Variants in PTCD2 observed in about 807,000 individuals in gnomAD.
PTCD2 encodes the protein pentatricopeptide repeat domain 2.
Under a neutral mutation model 42.6 loss-of-function variants are expected in PTCD2, and 31 were observed. The observed-to-expected ratio is 0.73, with a 90% CI of 0.55 to 0.98. PTCD2 has a LOEUF of 0.98. Ranked by LOEUF, PTCD2 falls within the 50% of genes least tolerant of loss-of-function variation. The pLI is 0.00. For synonymous variants in PTCD2, 183 were observed against 170.9 expected (o/e 1.07, Z -0.55); for missense variants, 476 against 454.8 (o/e 1.05, Z -0.42).
At position 72,343,001 on chromosome 5, in the gene PTCD2, A is replaced by T. The variant is rs1218215154; in HGVS notation, c.793A>T (p.Met265Leu). The T allele has an allele frequency of 6.2e-6, 10 of 1,602,844 alleles. No homozygotes were observed. The highest frequency in any genetic ancestry group is 8.5e-6 in the Non-Finnish European group (10 of 1,174,784). The change falls in exon 8 of 10, where the codon ATG becomes TTG. Residue 265 changes from methionine (M) to leucine (L), a missense_variant. By Grantham distance (15) the Met-to-Leu change is conservative. Transcript: ENST00000380639. ...AGCTGTGTCCATTTTTTCTCAAATC[A>T]TGAATCCAGAAAGCATAGCCTGCAT... ...AKAVSIFSQIMNPESIACINL... is the reference protein window; with the variant it reads ...AKAVSIFSQILNPESIACINL...
At position 72,331,258 on chromosome 5, in the gene PTCD2, G is replaced by C; in HGVS notation, c.351G>C (p.Arg117Ser). ...HVELAKNVIY[R>S]YHAENKNFTL... ...CTCATTGAATCATTTTCATTACCAG[G>C]TACCATGCAGAGAACAAAAATTTCA... is the stretch of plus-strand genomic sequence containing the variant. Residue 117 changes from arginine (R) to serine (S), a missense_variant and splice_region_variant, in exon 4 of 10, where the codon AGG becomes AGC. Arg to Ser is a moderately radical substitution (Grantham distance 110, BLOSUM62 -1). Transcript: ENST00000380639. The C allele has an allele frequency of 6.3e-7, 1 of 1,595,664 alleles. No individual in the cohort carries two copies. Among genetic ancestry groups the C allele is most frequent in the Non-Finnish European group, 8.6e-7 (1 of 1,163,262 alleles).
At chr5:72,355,642 C>CT (rs1443454347) in intron 9 of PTCD2, among the ~76,000 whole-genome samples, 1 of 152,102 alleles carries the variant, frequency 6.6e-6, no homozygotes, top group Non-Finnish European at 1.5e-5. Context: ...ACATTGATGG[C>CT]TTAAGTACAC....
At chr5:72,349,162 A>G (rs1251704578) in intron 8 of PTCD2, among the ~76,000 whole-genome samples, 4 of 152,190 alleles carry the variant, frequency 2.6e-5, no homozygotes, top group Non-Finnish European at 4.4e-5. Flanking sequence ...GCCTCTTTCT[A>G]TGTTTCTACT....
chr5:72,356,290 G>A (rs985917542), intron 9 of PTCD2, among the ~76,000 whole-genome samples: 2 of 152,096 alleles, frequency 1.3e-5, no homozygotes, highest in African/African-American at 4.8e-5. Context: ...TAAAGCACCC[G>A]AACAAACTTT....
chr5:72,355,497 G>C (rs1752832182), intron 9 of PTCD2, among the ~76,000 whole-genome samples: 1 of 152,188 alleles, frequency 6.6e-6, no homozygotes, highest in African/African-American at 2.4e-5. Flanking sequence ...TTCTCCGAAT[G>C]TACCTTGTTT....
At chr5:72,354,369 T>C (rs1183613865) in intron 9 of PTCD2, among the ~76,000 whole-genome samples, 5 of 108,656 alleles carry the variant, frequency 4.6e-5, no homozygotes, top group Non-Finnish European at 8.3e-5. Context: ...GGCGACAGAA[T>C]GAGACTCCAT....
intron 2 of PTCD2, 65 bp from the exon 3 acceptor site, chr5:72,326,547 G>A: frequency 6.3e-7 from 1 of 1,579,462 alleles, no homozygotes; most frequent in Non-Finnish European, 8.6e-7. Context: ...CCATCTTCCT[G>A]AGGTCAGACT....
chr5:72,339,963 C>A (rs1751968347), intron 7 of PTCD2, among the ~76,000 whole-genome samples: 1 of 152,062 alleles, frequency 6.6e-6, no homozygotes, highest in African/African-American at 2.4e-5. Flanking sequence ...TGCAATCTTT[C>A]TGAATTGTTT....
At chr5:72,326,366 G>T (rs1751136281) in intron 2 of PTCD2, among the ~76,000 whole-genome samples, 1 of 152,184 alleles carries the variant, frequency 6.6e-6, no homozygotes. Flanking sequence ...TTACCCCACA[G>T]ATTTTATTTT....
intron 3 of PTCD2, among the ~76,000 whole-genome samples, chr5:72,328,375 GT>G (rs752626592): frequency 6.6e-6 from 1 of 152,170 alleles, no homozygotes; most frequent in Non-Finnish European, 1.5e-5. Context: ...TCATTTGTTG[GT>G]TTGAGCTGCA....
At chr5:72,335,972 C>T in intron 6 of PTCD2, 87 bp downstream of exon 6, 1 of 699,826 alleles carries the variant, frequency 1.4e-6, no homozygotes, top group Non-Finnish European at 2.4e-6. Flanking sequence ...AAATTCAGTT[C>T]CTCTGAAATC....
At chr5:72,338,440 C>A (rs1435410116) in intron 6 of PTCD2, among the ~76,000 whole-genome samples, 182 bp from the exon 7 acceptor site, 1 of 152,210 alleles carries the variant, frequency 6.6e-6, no homozygotes, top group Non-Finnish European at 1.5e-5. Flanking sequence ...ATTTGACCTG[C>A]TAGCCTATCA....
intron 8 of PTCD2, among the ~76,000 whole-genome samples, chr5:72,345,000 G>T (rs1002982421): frequency 6.6e-6 from 1 of 152,186 alleles, no homozygotes; most frequent in Non-Finnish European, 1.5e-5. Flanking sequence ...CATCTTATCA[G>T]GAGACAGGGT....
chr5:72,360,966 C>CCT lies in PTCD2; in HGVS notation c.*2539_*2540insCT, dbSNP rs1753081135. 6.6e-6 allele frequency: 1 copy of CCT among 152,256 alleles called. No homozygotes were observed. The highest frequency in any genetic ancestry group is 2.4e-5 in the African/African-American group (1 of 41,448). The allele number at this position is 152,256 out of a possible 1,614,324, so 9.4% of individuals were successfully genotyped here. On this transcript the variant is annotated 3_prime_UTR_variant, in exon 10 of 10. Transcript: ENST00000380639. ...CCTCCCAAAGTGCTGGGATTACAGGCATGAGCCACCGCACCTGGCCTACTT... is the reference window on the plus strand; with the variant it reads ...CCTCCCAAAGTGCTGGGATTACAGGCCTATGAGCCACCGCACCTGGCCTACTT...
In PTCD2 at chr5:72,322,069, TTATC is replaced by T. The variant is rs1274717893; in HGVS notation, c.128-99_128-96del. The T allele has an allele frequency of 6.1e-6, 4 of 654,818 alleles. No individual in the cohort carries two copies. In the African/African-American group the frequency reaches 7.2e-5, roughly 12 times the overall value. 40.6% of individuals were successfully genotyped at this position (654,818 alleles called of 1,614,324 possible). A position where few individuals can be genotyped will look rare whatever the true frequency, so the allele number is the denominator to read the frequency against. The stretch of plus-strand genomic sequence containing the variant: ...GTTATATTTGTACCTGTCTAATGGA[TTATC>T]TATAATAGATGTTAGAGGTAATCCA... On this transcript the variant is annotated intron_variant, in intron 1 of 9. Coordinates refer to ENST00000380639, the MANE Select transcript of PTCD2 (RefSeq NM_024754.5).
chr5:72,344,867 C>T lies in PTCD2; in HGVS notation c.828+1831C>T, dbSNP rs370021226. ...AATAGGGTGTGGGTCACAGAGATCA[C>T]GTGCTTCACAAGGTAGTAGAATATC... On this transcript the variant is annotated intron_variant, in intron 8 of 9. Transcript: ENST00000380639. Among the ~76,000 whole-genome samples, 95 of 152,182 alleles carry T rather than the reference C, an allele frequency of 6.2e-4. 2 individuals are homozygous for T. The South Asian group carries it at 0.018, about 29-fold the overall frequency.
chr5:72,328,478 G>C (rs1751259412), intron 3 of PTCD2, among the ~76,000 whole-genome samples: 1 of 152,214 alleles, frequency 6.6e-6, no homozygotes, highest in South Asian at 2.1e-4. Context: ...TGCCTGGCCA[G>C]ACCAAAGTCA....
intron 9 of PTCD2, among the ~76,000 whole-genome samples, chr5:72,357,475 T>C (rs1328452797): frequency 6.6e-6 from 1 of 152,210 alleles, no homozygotes; most frequent in Non-Finnish European, 1.5e-5. Context: ...TTCTGTACAC[T>C]CCAGTTCATT....
intron 9 of PTCD2, among the ~76,000 whole-genome samples, chr5:72,353,890 A>C (rs1250388621): frequency 6.6e-6 from 1 of 152,270 alleles, no homozygotes; most frequent in Non-Finnish European, 1.5e-5. Context: ...GAAATACACA[A>C]GTACTAGATA....
Sources: gnomAD v4.1 joint callset for allele counts (sites outside exome capture counted in the v4.1 genomes callset) on GRCh38, gnomAD v4.1.1 for gene constraint, MANE v1.5 for transcripts, NCBI Gene and HGNC (gene_info 2026-07-23, HGNC 2026-07-21) for gene names.